The following THNSL1 variants were observed in gnomAD, a reference collection of about 807,000 sequenced individuals.
THNSL1 encodes threonine synthase-like 1.
A neutral mutation model predicts 50.4 loss-of-function variants in THNSL1; 48 were observed. The ratio of observed to expected loss-of-function variants is 0.95; its 90% CI spans 0.76 to 1.21. The LOEUF is 1.21. THNSL1 is among the 50% of genes most tolerant of loss of function. The probability of loss-of-function intolerance (pLI) is 0.00; values close to 1 mark genes in which losing one functional copy is unlikely to be tolerated. For missense variants in THNSL1, 896 were observed against 871.7 expected, an observed-to-expected ratio of 1.03 and a Z score of -0.35; for synonymous variants, 309 against 306.1, an observed-to-expected ratio of 1.01 and a Z score of -0.10.
At position 25,023,795 on chromosome 10, in the gene THNSL1, A is replaced by T. The variant is rs760920661; in HGVS notation, c.572A>T (p.Gln191Leu). The T allele has an allele frequency of 1.2e-6, 2 of 1,614,186 alleles. No homozygotes were observed. The highest frequency in any genetic ancestry group is 1.3e-5 in the African/African-American group (1 of 75,070). ...AAAGACTTACTTAAATTTAGAAGACAGTATTATAAGAAGTGGTATGATGCT... is the reference window on the plus strand; with the variant it reads ...AAAGACTTACTTAAATTTAGAAGACTGTATTATAAGAAGTGGTATGATGCT... ...SMKDLLKFRR[Q>L]YYKKWYDARV... Residue 191 changes from glutamine (Q) to leucine (L), a missense_variant, in exon 3 of 3, where the codon CAG becomes CTG. Physicochemically the swap from Gln to Leu is moderately radical, Grantham distance 113. Coordinates refer to ENST00000376356, the MANE Select transcript of THNSL1 (RefSeq NM_024838.5).
At position 25,023,673 on chromosome 10, in the gene THNSL1, A is replaced by G. The variant is rs771358715; in HGVS notation, c.450A>G (p.Ile150Met). 2 of 1,613,980 alleles carry G rather than the reference A, an allele frequency of 1.2e-6. No homozygotes were observed. Among genetic ancestry groups the G allele is most frequent in the African/African-American group, 2.7e-5 (2 of 74,928 alleles). ...ASMWHLKKNG[I>M]IVYLDVPLLD... Reference sequence around the variant, plus strand: ...TGTGGCATCTGAAGAAAAATGGAATAATTGTATACCTGGATGTACCTCTAC... The same window carrying G: ...TGTGGCATCTGAAGAAAAATGGAATGATTGTATACCTGGATGTACCTCTAC... Residue 150 changes from isoleucine to methionine, a missense_variant, in exon 3 of 3, where the codon ATA (isoleucine) becomes ATG (methionine). Ile to Met is a conservative substitution (Grantham distance 10). Transcript: ENST00000376356.
the THNSL1 span, among the ~76,000 whole-genome samples, chr10:24,998,467 T>C: frequency 6.6e-6 from 1 of 151,826 alleles, no homozygotes; most frequent in African/African-American, 2.4e-5. Context: ...TTCGAACTCT[T>C]GGGCTCAAGC....
intron 1 of THNSL1, among the ~76,000 whole-genome samples, chr10:25,018,657 TTG>T (rs1242968593): frequency 4.7e-5 from 5 of 107,488 alleles, no homozygotes; most frequent in Non-Finnish European, 6.3e-5. Flanking sequence ...CAAATGAGAG[TTG>T]TTTTTTTTTT....
rs1850792476 is a variant in THNSL1, at chr10:25,024,250, T to C, written c.1027T>C (p.Phe343Leu). ...AGGCAACCAGTTCATCCTGGAGTTG[T>C]TTCATGGACCAACAGGATCATTTAA... is the stretch of plus-strand genomic sequence containing the variant. ...LSGNQFILELFHGPTGSFKDL... is the reference protein window; with the variant it reads ...LSGNQFILELLHGPTGSFKDL... The change falls in exon 3 of 3, where the codon TTT (phenylalanine) becomes CTT (leucine). Residue 343 changes from phenylalanine to leucine, a missense_variant. Phe to Leu is a conservative substitution (Grantham distance 22, BLOSUM62 0). Transcript: ENST00000376356. 1 of 1,614,104 alleles carries C rather than the reference T, an allele frequency of 6.2e-7. No individual in the cohort carries two copies. Among genetic ancestry groups the C allele is most frequent in the South Asian group, 1.1e-5 (1 of 91,082 alleles).
chr10:24,983,605 AATTT>A, the THNSL1 span: 1 of 152,206 alleles, frequency 6.6e-6, no homozygotes, highest in Admixed American at 6.5e-5. Flanking sequence ...GTTTCAAGTG[AATTT>A]TCAAAAAATA....
upstream of THNSL1, chr10:25,015,808 C>A: frequency 6.7e-7 from 1 of 1,498,740 alleles, no homozygotes; most frequent in Non-Finnish European, 9.0e-7. Flanking sequence ...TTAATTAATA[C>A]TGAGTATTCC....
At chr10:25,011,481 G>A in the THNSL1 span, among the ~76,000 whole-genome samples, 1 of 152,134 alleles carries the variant, frequency 6.6e-6, no homozygotes, top group East Asian at 1.9e-4. Context: ...AAGCAATAGG[G>A]AAAGGATTCC....
At chr10:24,981,339 A>G in the THNSL1 span, among the ~76,000 whole-genome samples, 6 of 152,302 alleles carry the variant, frequency 3.9e-5, no homozygotes, top group African/African-American at 1.2e-4. Flanking sequence ...ATTTAAGCTT[A>G]TCTTTCTTTT....
chr10:24,964,461 T>C, the THNSL1 span, among the ~76,000 whole-genome samples: 1 of 152,192 alleles, frequency 6.6e-6, no homozygotes, highest in Non-Finnish European at 1.5e-5. Context: ...GTTTCAAACA[T>C]AGAGAAACAT....
chr10:24,979,534 A>G, the THNSL1 span, among the ~76,000 whole-genome samples: 3 of 152,164 alleles, frequency 2.0e-5, no homozygotes, highest in Non-Finnish European at 2.9e-5. Flanking sequence ...CTCTCTGGAC[A>G]CTAAACTTTC....
At chr10:24,961,689 A>C in the THNSL1 span, among the ~76,000 whole-genome samples, 2 of 152,242 alleles carry the variant, frequency 1.3e-5, no homozygotes, top group African/African-American at 2.4e-5. Flanking sequence ...AAAAAAAGTC[A>C]GTTTGAATTT....
the THNSL1 span, among the ~76,000 whole-genome samples, chr10:24,957,323 A>G: frequency 4.6e-5 from 7 of 152,296 alleles, no homozygotes; most frequent in East Asian, 1.3e-3. Context: ...GTTGTTGCAA[A>G]TGACAGGATT....
chr10:24,995,687 G>C, the THNSL1 span: 1 of 1,613,990 alleles, frequency 6.2e-7, no homozygotes, highest in Non-Finnish European at 8.5e-7. Context: ...GAAGGCTCAA[G>C]ATCATGCTTG....
At chr10:24,954,092 C>T in the THNSL1 span, among the ~76,000 whole-genome samples, 1 of 152,196 alleles carries the variant, frequency 6.6e-6, no homozygotes, top group Admixed American at 6.5e-5. Context: ...CAAAGTCAAG[C>T]ACCATCTTTT....
the THNSL1 span, among the ~76,000 whole-genome samples, chr10:24,980,251 T>C: frequency 1.3e-5 from 2 of 152,098 alleles, no homozygotes; most frequent in African/African-American, 4.8e-5. Context: ...CCCAGCCCCA[T>C]GGATGCCTTG....
intron 1 of THNSL1, 65 bp from the exon 2 acceptor site, chr10:25,021,677 T>G (rs1485127587): frequency 6.6e-6 from 1 of 152,198 alleles, no homozygotes; most frequent in Non-Finnish European, 1.5e-5. Flanking sequence ...AATAGACTAG[T>G]CTATGTGTAG....
the THNSL1 span, among the ~76,000 whole-genome samples, chr10:24,992,610 G>C: frequency 6.6e-6 from 1 of 152,196 alleles, no homozygotes; most frequent in Non-Finnish European, 1.5e-5. Context: ...GCAATGTTTA[G>C]ATTTTTCTGG....
At chr10:24,980,713 T>C in the THNSL1 span, among the ~76,000 whole-genome samples, 1 of 151,958 alleles carries the variant, frequency 6.6e-6, no homozygotes, top group African/African-American at 2.4e-5. Flanking sequence ...TGGGTGTTTT[T>C]TGTTTGTTTG....
chr10:24,955,279 T>TC, the THNSL1 span, among the ~76,000 whole-genome samples: 2 of 151,992 alleles, frequency 1.3e-5, no homozygotes, highest in East Asian at 3.9e-4. Context: ...ACCAGATCCC[T>TC]CCCCCAACAC....
Sources: allele counts gnomAD v4.1 joint callset (sites outside exome capture counted in the v4.1 genomes callset), GRCh38; gene constraint gnomAD v4.1.1; transcripts MANE v1.5; gene names NCBI Gene and HGNC (gene_info 2026-07-23, HGNC 2026-07-21).